The following NELL1 variants were observed in gnomAD, a reference collection of about 807,000 sequenced individuals.
NELL1 encodes protein kinase C-binding protein NELL1.
NELL1 carries 76 observed loss-of-function variants against 107.4 expected under a neutral mutation model. The observed-to-expected ratio is 0.71, with a 90% CI of 0.59 to 0.86. The LOEUF is 0.86. NELL1 is among the 40% of genes least tolerant of loss of function. The pLI is 0.00. For missense variants in NELL1, 1,024 were observed against 1,005.5 expected (o/e 1.02, Z -0.25); for synonymous variants, 353 against 341.2 (o/e 1.03, Z -0.38).
At chr11:21,517,544 G>A (rs1855598074) in intron 15 of NELL1, among the ~76,000 whole-genome samples, 1 of 152,112 alleles carries the variant, frequency 6.6e-6, no homozygotes, top group African/African-American at 2.4e-5. Context: ...GTAATCTTCG[G>A]AATGTATGAC....
intron 3 of NELL1, among the ~76,000 whole-genome samples, chr11:20,795,192 C>T (rs768554762): frequency 8.5e-5 from 13 of 152,188 alleles, no homozygotes; most frequent in Non-Finnish European, 1.8e-4. Flanking sequence ...GAGGAGTGAA[C>T]TTCTTGGCAA....
At chr11:20,737,616 A>T (rs966771908) in intron 2 of NELL1, among the ~76,000 whole-genome samples, 1 of 152,110 alleles carries the variant, frequency 6.6e-6, no homozygotes, top group Non-Finnish European at 1.5e-5. Context: ...CTGCAGAGAG[A>T]TTAGCAAGTG....
At chr11:21,344,044 C>G (rs1353164551) in intron 14 of NELL1, among the ~76,000 whole-genome samples, 1 of 152,146 alleles carries the variant, frequency 6.6e-6, no homozygotes, top group Admixed American at 6.6e-5. Flanking sequence ...ATTTGAAGAA[C>G]AGAAGCAAAT....
At chr11:21,142,796 T>C (rs1386053673) in intron 13 of NELL1, among the ~76,000 whole-genome samples, 2 of 152,152 alleles carry the variant, frequency 1.3e-5, no homozygotes, top group Non-Finnish European at 2.9e-5. Flanking sequence ...AAGGACACAA[T>C]GATCAAAGCC....
chr11:21,407,147 G>A (rs1852255765), intron 15 of NELL1, among the ~76,000 whole-genome samples: 1 of 152,002 alleles, frequency 6.6e-6, no homozygotes, highest in Non-Finnish European at 1.5e-5. Flanking sequence ...AGGTCATGGT[G>A]GCTCATACCT....
intron 15 of NELL1, among the ~76,000 whole-genome samples, chr11:21,388,175 T>C (rs1851790003): frequency 6.6e-6 from 1 of 151,722 alleles, no homozygotes; most frequent in Non-Finnish European, 1.5e-5. Flanking sequence ...GGAGGTTTTA[T>C]ATTGAAAGTG....
intron 2 of NELL1, among the ~76,000 whole-genome samples, chr11:20,691,479 C>G (rs186733453): frequency 6.6e-6 from 1 of 151,832 alleles, no homozygotes; most frequent in Admixed American, 6.6e-5. Context: ...ATTTATTGAG[C>G]GTTTTTAGCA....
intron 14 of NELL1, among the ~76,000 whole-genome samples, chr11:21,319,737 C>T (rs1389923546): frequency 6.6e-6 from 1 of 151,692 alleles, no homozygotes; most frequent in Admixed American, 6.6e-5. Flanking sequence ...ATCATGAGGT[C>T]AGGAGATTGA....
intron 12 of NELL1, among the ~76,000 whole-genome samples, chr11:21,053,364 T>TG (rs1853542516): frequency 6.6e-6 from 1 of 152,098 alleles, no homozygotes; most frequent in African/African-American, 2.4e-5. Flanking sequence ...AGTGAGAACA[T>TG]GCGGTGTTTG....
At chr11:20,702,693 T>C (rs944205945) in intron 2 of NELL1, among the ~76,000 whole-genome samples, 1 of 152,222 alleles carries the variant, frequency 6.6e-6, no homozygotes, top group African/African-American at 2.4e-5. Context: ...CATCAATACC[T>C]AATTTATTGA....
intron 15 of NELL1, among the ~76,000 whole-genome samples, chr11:21,531,120 G>A (rs78309880): frequency 1.7e-3 from 259 of 152,266 alleles, no homozygotes; most frequent in Admixed American, 3.8e-3. Context: ...GGGAGTTGGT[G>A]ATATTGGTGG....
intron 15 of NELL1, among the ~76,000 whole-genome samples, chr11:21,459,399 G>A (rs77625362): frequency 6.7e-6 from 1 of 150,194 alleles, no homozygotes; most frequent in African/African-American, 2.5e-5. Context: ...GAAGATGTTG[G>A]CAATAAATGA....
At chr11:21,498,918 T>C (rs187383609) in intron 15 of NELL1, among the ~76,000 whole-genome samples, 287 of 152,194 alleles carry the variant, frequency 1.9e-3, no homozygotes, top group African/African-American at 6.6e-3. Flanking sequence ...TTAATTTATT[T>C]ATTGATCATT....
intron 12 of NELL1, among the ~76,000 whole-genome samples, chr11:21,066,046 C>A (rs1453872530): frequency 6.6e-6 from 1 of 152,190 alleles, no homozygotes; most frequent in African/African-American, 2.4e-5. Context: ...CTTAGTTTCA[C>A]TTTTAAATGA....
At chr11:20,761,205 TTAACATA>T (rs1253230733) in intron 2 of NELL1, among the ~76,000 whole-genome samples, 1 of 152,182 alleles carries the variant, frequency 6.6e-6, no homozygotes, top group African/African-American at 2.4e-5. Context: ...AAGGTGCAGT[TTAACATA>T]ACATGACATT....
At chr11:21,000,168 C>T (rs11025873) in intron 12 of NELL1, among the ~76,000 whole-genome samples, 13,401 of 151,966 alleles carry the variant, frequency 0.088, 1,974 homozygotes, top group African/African-American at 0.3. Context: ...TATTGTTTGA[C>T]CTTGAATAAG....
At chr11:20,904,641 G>C (rs1328008421) in intron 5 of NELL1, among the ~76,000 whole-genome samples, 1 of 152,102 alleles carries the variant, frequency 6.6e-6, no homozygotes, top group Non-Finnish European at 1.5e-5. Context: ...AAAGACTTGA[G>C]AACACCCAAA....
At chr11:20,979,527 T>A (rs1445623771) in intron 12 of NELL1, among the ~76,000 whole-genome samples, 1 of 152,200 alleles carries the variant, frequency 6.6e-6, no homozygotes, top group Non-Finnish European at 1.5e-5. Flanking sequence ...AAACCAGCAC[T>A]GTAAAGTTGG....
chr11:21,558,585 A>G (rs1171988553), intron 16 of NELL1, among the ~76,000 whole-genome samples: 1 of 152,032 alleles, frequency 6.6e-6, no homozygotes, highest in Non-Finnish European at 1.5e-5. Flanking sequence ...GGAGGGGACA[A>G]GAGATAACAA....
Sources: allele counts gnomAD v4.1 joint callset (sites outside exome capture counted in the v4.1 genomes callset), GRCh38; gene constraint gnomAD v4.1.1; transcripts MANE v1.5; gene names NCBI Gene and HGNC (gene_info 2026-07-23, HGNC 2026-07-21).